DNM1L: variants seen among roughly 807,000 people sequenced by gnomAD.
DNM1L encodes dynamin-1-like protein.
In DNM1L, 33 loss-of-function variants were observed where a neutral mutation model predicts 92.8. The observed-to-expected ratio is 0.36, with a 90% CI of 0.27 to 0.48. DNM1L has a LOEUF of 0.48. DNM1L is among the 20% of genes least tolerant of loss of function. The probability of loss-of-function intolerance (pLI) is 0.99; values close to 1 mark genes in which losing one functional copy is unlikely to be tolerated. For synonymous variants in DNM1L, 284 were observed against 305.0 expected (o/e 0.93, Z 0.72); for missense variants, 485 against 888.8 (o/e 0.55, Z 5.78).
At chr12:32,679,529 G>C (rs1385849626) in intron 1 of DNM1L, 64 bp downstream of exon 1, 16 of 1,522,902 alleles carry the variant, frequency 1.1e-5, no homozygotes, top group Admixed American at 6.8e-5. Context: ...CGGTGCTGCG[G>C]CAGTGCCCAC....
chr12:32,742,888 CTTTTTTTTTTT>C (rs36039451), intron 19 of DNM1L, 140 bp downstream of exon 19: 114 of 248,700 alleles, frequency 4.6e-4, no homozygotes, highest in African/African-American at 2.2e-3. Context: ...TGATAAGAAT[CTTTTTTTTTTT>C]TTTTTTTTTT....
chr12:32,733,935 G>A (rs1350096136), intron 13 of DNM1L, 128 bp downstream of exon 13: 3 of 794,068 alleles, frequency 3.8e-6, no homozygotes, highest in Non-Finnish European at 6.4e-6. Context: ...CTGCATGTCA[G>A]GAAATATGCT....
At chr12:32,705,721 A>G in intron 2 of DNM1L, 2 of 1,048,440 alleles carry the variant, frequency 1.9e-6, no homozygotes, top group Non-Finnish European at 2.8e-6. Flanking sequence ...TGCTATGTGC[A>G]TTTGAAATGT....
chr12:32,706,945 T>G, intron 2 of DNM1L: 1 of 205,332 alleles, frequency 4.9e-6, no homozygotes, highest in Non-Finnish European at 9.9e-6. Flanking sequence ...TCAGTGGGAT[T>G]CTTAATTTTT....
At position 32,740,428 on chromosome 12, in the gene DNM1L, A is replaced by C. The variant is rs1324806947; in HGVS notation, c.1904A>C (p.Lys635Thr). The C allele has an allele frequency of 6.2e-7, 1 of 1,614,052 alleles. No homozygotes were observed. Among genetic ancestry groups the C allele is most frequent in the South Asian group, 1.1e-5 (1 of 91,064 alleles). Residue 635 changes from lysine to threonine, a missense_variant, in exon 18 of 20, where the codon AAA becomes ACA. Physicochemically the swap from Lys to Thr is moderately conservative, Grantham distance 78. Coordinates refer to ENST00000549701, the MANE Select transcript of DNM1L (RefSeq NM_012062.5). ...LLDVPVPVAR[K>T]LSAREQRDCE... ...ATTTAGCCAGTTCCTGTTGCACGAA[A>C]ACTATCTGCTCGGGAACAGCGAGAT...
rs543874475 is a variant in DNM1L at position 32,743,417 on chromosome 12, C to T, written c.*7C>T. 707 of 1,613,684 alleles carry T rather than the reference C, an allele frequency of 4.4e-4. 6 individuals carry two copies. The African/African-American group carries it at 8.1e-3, about 18-fold the overall frequency. ...GGAGACTCATCTTTGGTGAAGAGAA[C>T]TATGTAATACTGAGACTTTGTTGAC... On this transcript the variant is annotated 3_prime_UTR_variant, in exon 20 of 20. Coordinates refer to ENST00000549701, the MANE Select transcript of DNM1L (RefSeq NM_012062.5).
In DNM1L at chr12:32,733,767, A is replaced by G; in HGVS notation, c.1499A>G (p.Asp500Gly). Residue 500 changes from aspartate (D) to glycine (G), a missense_variant, in exon 13 of 20, where the codon GAC (aspartate) becomes GGC (glycine). By Grantham distance (94) the Asp-to-Gly change is moderately conservative (BLOSUM62 -1). Coordinates refer to ENST00000549701, the MANE Select transcript of DNM1L (RefSeq NM_012062.5). ...ELAYINTKHP[D>G]FADACGLMNN... ...GCTTATATCAACACAAAACATCCAGACTTTGCTGATGCTTGTGGGCTAATG... is the reference window on the plus strand; with the variant it reads ...GCTTATATCAACACAAAACATCCAGGCTTTGCTGATGCTTGTGGGCTAATG... The G allele has an allele frequency of 6.2e-7, 1 of 1,614,010 alleles. No individual in the cohort carries two copies. The highest frequency in any genetic ancestry group is 8.5e-7 in the Non-Finnish European group (1 of 1,179,930).
chr12:32,691,880 A>G (rs1172143057), intron 1 of DNM1L, among the ~76,000 whole-genome samples: 1 of 152,172 alleles, frequency 6.6e-6, no homozygotes, highest in Non-Finnish European at 1.5e-5. Context: ...ATTGCTGCAC[A>G]TAAATATTGA....
intron 1 of DNM1L, among the ~76,000 whole-genome samples, chr12:32,694,078 T>G (rs1199969816): frequency 6.6e-6 from 1 of 151,860 alleles, no homozygotes; most frequent in Non-Finnish European, 1.5e-5. Context: ...TAGATTTGCC[T>G]ATTTTGGACA....
intron 1 of DNM1L, among the ~76,000 whole-genome samples, chr12:32,682,783 G>A (rs1233590030): frequency 1.3e-5 from 2 of 152,196 alleles, no homozygotes; most frequent in Non-Finnish European, 2.9e-5. Context: ...TAGGGACTTG[G>A]AGGAGTGGAG....
intron 6 of DNM1L, among the ~76,000 whole-genome samples, chr12:32,716,559 TC>T (rs1005899469): frequency 2.4e-4 from 36 of 152,152 alleles, no homozygotes; most frequent in African/African-American, 8.4e-4. Context: ...GCTCAAGCAA[TC>T]TGTCTGCCTT....
intron 1 of DNM1L, among the ~76,000 whole-genome samples, chr12:32,681,593 ACCGCC>A (rs1447102955): frequency 4.9e-5 from 1 of 20,508 alleles, no homozygotes; most frequent in African/African-American, 1.9e-4. Flanking sequence ...TTCTCCCCAC[ACCGCC>A]CCCCCGCCCC....
At chr12:32,708,296 TG>T in intron 4 of DNM1L, 72 bp downstream of exon 4, 1 of 980,534 alleles carries the variant, frequency 1.0e-6, no homozygotes, top group East Asian at 2.4e-5. Context: ...GTACATAATA[TG>T]TGAAGGGCAT....
At chr12:32,713,820 C>A (rs1401090603) in intron 6 of DNM1L, among the ~76,000 whole-genome samples, 2 of 151,912 alleles carry the variant, frequency 1.3e-5, no homozygotes, top group Non-Finnish European at 2.9e-5. Flanking sequence ...TTAAAAAAAA[C>A]CAAAACACAG....
chr12:32,737,930 G>A lies in DNM1L; in HGVS notation c.1662G>A (p.Glu554=). 1 of 1,613,912 alleles carries A rather than the reference G, an allele frequency of 6.2e-7. No individual in the cohort carries two copies. The highest frequency in any genetic ancestry group is 8.5e-7 in the Non-Finnish European group (1 of 1,179,984). The change falls in exon 15 of 20, where the codon GAG becomes GAA. Residue 554 remains glutamate (E), a synonymous_variant. Coordinates refer to ENST00000549701, the MANE Select transcript of DNM1L (RefSeq NM_012062.5). ...SQEPSPAASA[E]ADGKLIQDSR... is the part of the protein sequence containing the mutation. ...AGCCCTCCCCCGCTGCTTCTGCTGA[G>A]GCTGATGGCAAGGTCTGTTCTGATT...
At chr12:32,714,097 T>C (rs116078886) in intron 6 of DNM1L, among the ~76,000 whole-genome samples, 1 of 152,140 alleles carries the variant, frequency 6.6e-6, no homozygotes, top group African/African-American at 2.4e-5. Flanking sequence ...AATGTATGCA[T>C]GGCCTCATAT....
intron 7 of DNM1L, 108 bp downstream of exon 7, chr12:32,718,871 G>T: frequency 3.5e-6 from 5 of 1,425,288 alleles, no homozygotes; most frequent in African/African-American, 1.4e-5. Flanking sequence ...GAAATGTGAT[G>T]CTGTACTATA....
At chr12:32,717,961 A>G (rs1953591568) in intron 6 of DNM1L, among the ~76,000 whole-genome samples, 1 of 105,060 alleles carries the variant, frequency 9.5e-6, no homozygotes, top group Admixed American at 1.2e-4. Context: ...TATATATAGT[A>G]TATATATTAT....
intron 18 of DNM1L, among the ~76,000 whole-genome samples, chr12:32,742,273 TTTTTA>T (rs1955358550): frequency 6.6e-6 from 1 of 152,114 alleles, no homozygotes; most frequent in African/African-American, 2.4e-5. Flanking sequence ...CTCAGCTAAT[TTTTTA>T]TTTTTAGTGC....
Sources: allele counts gnomAD v4.1 joint callset (sites outside exome capture counted in the v4.1 genomes callset), GRCh38; gene constraint gnomAD v4.1.1; transcripts MANE v1.5; gene names NCBI Gene and HGNC (gene_info 2026-07-23, HGNC 2026-07-21).